MAP7: variants seen among roughly 807,000 people sequenced by gnomAD.
MAP7 encodes microtubule associated protein 7.
In MAP7, 52 loss-of-function variants were observed where a neutral mutation model predicts 94.8. That is an observed-to-expected ratio of 0.55 (90% CI 0.44 to 0.69). The LOEUF (loss-of-function observed/expected upper bound fraction) is 0.69. Among genes scored for constraint, MAP7 ranks in the 30% least tolerant of loss-of-function variants. The pLI, the probability that MAP7 is intolerant of heterozygous loss-of-function variation, is 0.00. For missense variants in MAP7, 940 were observed against 964.6 expected, an observed-to-expected ratio of 0.97 and a Z score of 0.34; for synonymous variants, 350 against 357.0, an observed-to-expected ratio of 0.98 and a Z score of 0.22.
intron 1 of MAP7, among the ~76,000 whole-genome samples, chr6:136,473,164 A>G (rs992553727): frequency 3.3e-5 from 5 of 152,280 alleles, no homozygotes; most frequent in African/African-American, 7.2e-5. Context: ...ACCCTCTCTA[A>G]AGTACATCTC....
At chr6:136,453,955 G>A (rs1801966781) in intron 1 of MAP7, among the ~76,000 whole-genome samples, 1 of 152,152 alleles carries the variant, frequency 6.6e-6, no homozygotes. Context: ...TCTTTCTGAG[G>A]TGGGCTTTTT....
intron 1 of MAP7, among the ~76,000 whole-genome samples, chr6:136,452,835 G>A (rs1215040342): frequency 1.3e-5 from 2 of 152,164 alleles, no homozygotes; most frequent in Non-Finnish European, 2.9e-5. Flanking sequence ...TTACAGGCAT[G>A]AGCCACCATG....
chr6:136,518,957 C>G (rs948609606), intron 1 of MAP7, among the ~76,000 whole-genome samples: 15 of 152,114 alleles, frequency 9.9e-5, no homozygotes, highest in African/African-American at 3.6e-4. Flanking sequence ...TTTTATATAG[C>G]AAGCAAATTA....
chr6:136,391,511 C>G lies in MAP7; in HGVS notation c.245-1994G>C, dbSNP rs371796807. Among the ~76,000 whole-genome samples the G allele has an allele frequency of 1.8e-4, 27 of 150,740 alleles. No homozygotes were observed. The East Asian group carries it at 4.9e-3, about 27-fold the overall frequency. On this transcript the variant is annotated intron_variant, in intron 3 of 17. Transcript: ENST00000354570. ...GCACATGTATACATATGTAACTAAC[C>G]TGCACAATGTGCACATGTACCCTAA...
chr6:136,383,544 G>GT, intron 6 of MAP7, 127 bp downstream of exon 6: 1 of 525,066 alleles, frequency 1.9e-6, no homozygotes, highest in African/African-American at 2.0e-5. Context: ...TTACTCTGAA[G>GT]TTTTTTTCTT....
At chr6:136,518,061 C>T (rs1825371566) in intron 1 of MAP7, among the ~76,000 whole-genome samples, 1 of 152,208 alleles carries the variant, frequency 6.6e-6, no homozygotes, top group Non-Finnish European at 1.5e-5. Context: ...ACCTTGAAAG[C>T]AATCCTATTA....
chr6:136,371,179 A>G (rs985995649), intron 8 of MAP7, among the ~76,000 whole-genome samples: 6 of 152,178 alleles, frequency 3.9e-5, no homozygotes, highest in Admixed American at 3.3e-4. Flanking sequence ...GTGATGACAA[A>G]TCTCTCATTT....
intron 7 of MAP7, among the ~76,000 whole-genome samples, chr6:136,375,460 A>C (rs954898173): frequency 6.6e-6 from 1 of 152,210 alleles, no homozygotes; most frequent in Non-Finnish European, 1.5e-5. Flanking sequence ...AGTACAGGAC[A>C]TATTATAGGT....
chr6:136,433,457 C>T (rs1795519831), intron 1 of MAP7, among the ~76,000 whole-genome samples: 2 of 152,212 alleles, frequency 1.3e-5, no homozygotes, highest in African/African-American at 4.8e-5. Context: ...GCACTCTCTG[C>T]TTCTGCCAGT....
At chr6:136,384,528 C>G (rs191937478) in intron 5 of MAP7, among the ~76,000 whole-genome samples, 69 of 149,664 alleles carry the variant, frequency 4.6e-4, no homozygotes, top group Admixed American at 4.1e-3. Context: ...GGGTATTGCT[C>G]TGTTGGCCAG....
chr6:136,389,561 A>C, intron 3 of MAP7, 44 bp from the exon 4 acceptor site: 1 of 1,579,130 alleles, frequency 6.3e-7, no homozygotes, highest in Non-Finnish European at 8.6e-7. Flanking sequence ...GAAATCAAAT[A>C]TAGGCAGGTT....
At chr6:136,536,865 GA>G (rs1469951370) in intron 1 of MAP7, among the ~76,000 whole-genome samples, 1 of 152,188 alleles carries the variant, frequency 6.6e-6, no homozygotes, top group Non-Finnish European at 1.5e-5. Context: ...GCTATGGTAA[GA>G]AAAAATCAGC....
At chr6:136,354,391 G>GAT (rs201414594) in intron 16 of MAP7, among the ~76,000 whole-genome samples, 191 of 138,240 alleles carry the variant, frequency 1.4e-3, no homozygotes, top group Non-Finnish European at 2.4e-3. Flanking sequence ...ATATATAGTA[G>GAT]ATATATATAT....
At chr6:136,348,353 C>T (rs1174123834) in intron 16 of MAP7, among the ~76,000 whole-genome samples, 1 of 152,150 alleles carries the variant, frequency 6.6e-6, no homozygotes, top group African/African-American at 2.4e-5. Context: ...TGCTGGCAAT[C>T]AGAGGGATAA....
At chr6:136,353,481 C>T (rs1486909262) in intron 16 of MAP7, among the ~76,000 whole-genome samples, 1 of 152,322 alleles carries the variant, frequency 6.6e-6, no homozygotes, top group South Asian at 2.1e-4. Flanking sequence ...TCAATCAGTA[C>T]CATATGTATA....
intron 1 of MAP7, among the ~76,000 whole-genome samples, chr6:136,510,579 C>T (rs1399253120): frequency 3.3e-5 from 5 of 152,138 alleles, no homozygotes; most frequent in Admixed American, 3.3e-4. Context: ...GATGAGCTCA[C>T]ACACGGCAGT....
chr6:136,525,978 G>GTTT, intron 1 of MAP7: 34 of 1,230,094 alleles, frequency 2.8e-5, no homozygotes, highest in Admixed American at 1.5e-4. Flanking sequence ...GCTGCTACTT[G>GTTT]TTTTTTTTTT....
intron 8 of MAP7, among the ~76,000 whole-genome samples, chr6:136,371,877 A>G (rs1353833184): frequency 6.6e-6 from 1 of 152,280 alleles, no homozygotes; most frequent in East Asian, 1.9e-4. Flanking sequence ...TCAGCCCGTA[A>G]TAATAAGTAC....
At chr6:136,374,065 T>C (rs1222603869) in intron 7 of MAP7, among the ~76,000 whole-genome samples, 2 of 152,224 alleles carry the variant, frequency 1.3e-5, no homozygotes, top group Non-Finnish European at 2.9e-5. Context: ...AGTGAATAGA[T>C]TGGAAACCGG....
Sources: gnomAD v4.1 joint callset for allele counts (sites outside exome capture counted in the v4.1 genomes callset) on GRCh38, gnomAD v4.1.1 for gene constraint, MANE v1.5 for transcripts, NCBI Gene and HGNC (gene_info 2026-07-23, HGNC 2026-07-21) for gene names.